The following CCDC3 variants were observed in gnomAD, a reference collection of about 807,000 sequenced individuals.
CCDC3 encodes the protein coiled-coil domain containing 3, also known as coiled-coil domain-containing protein 3.
In CCDC3, 24 loss-of-function variants were observed where a neutral mutation model predicts 21.4. The ratio of observed to expected loss-of-function variants is 1.12; its 90% CI spans 0.81 to 1.58. The LOEUF is 1.58. CCDC3 is among the 40% of genes most tolerant of loss of function. CCDC3 has a pLI of 0.00. For missense variants in CCDC3, 425 were observed against 360.9 expected (o/e 1.18, Z -1.44); for synonymous variants, 186 against 166.0 (o/e 1.12, Z -0.93).
intron 2 of CCDC3, among the ~76,000 whole-genome samples, chr10:12,949,856 AG>A (rs1324772637): frequency 9.8e-5 from 15 of 152,332 alleles, no homozygotes; most frequent in African/African-American, 3.6e-4. Context: ...TCAAGAAATT[AG>A]GTGGTGAAAT....
intron 2 of CCDC3, among the ~76,000 whole-genome samples, chr10:12,961,109 T>C (rs1024214997): frequency 6.6e-6 from 1 of 152,118 alleles, no homozygotes; most frequent in African/African-American, 2.4e-5. Context: ...TCCAGAAACA[T>C]CTCTGTGCAG....
At chr10:12,954,186 T>C (rs2131251030) in intron 2 of CCDC3, among the ~76,000 whole-genome samples, 1 of 152,260 alleles carries the variant, frequency 6.6e-6, no homozygotes, top group East Asian at 1.9e-4. Context: ...TCTGATCTAG[T>C]GAGGAGAAAT....
At chr10:12,915,211 A>T (rs1819077572) in intron 2 of CCDC3, among the ~76,000 whole-genome samples, 1 of 152,222 alleles carries the variant, frequency 6.6e-6, no homozygotes, top group Non-Finnish European at 1.5e-5. Flanking sequence ...GATTGTGGTT[A>T]AAAAAGATAC....
chr10:12,980,663 CAG>C (rs1218896260), intron 2 of CCDC3, among the ~76,000 whole-genome samples: 6 of 152,078 alleles, frequency 3.9e-5, no homozygotes, highest in Admixed American at 2.6e-4. Context: ...GCTTCCAACA[CAG>C]AGGGGAGATA....
chr10:13,014,388 T>C (rs1191617587), intron 5 of CCDC3, among the ~76,000 whole-genome samples: 1 of 146,768 alleles, frequency 6.8e-6, no homozygotes, highest in Non-Finnish European at 1.5e-5. Flanking sequence ...AGTCGGAGCT[T>C]GCAGTGAGCC....
chr10:12,980,131 C>A (rs552434750), intron 2 of CCDC3, among the ~76,000 whole-genome samples: 3 of 152,326 alleles, frequency 2.0e-5, no homozygotes, highest in Non-Finnish European at 4.4e-5. Context: ...TGTGCCCCTG[C>A]AAAGCAAACA....
intron 4 of CCDC3, among the ~76,000 whole-genome samples, chr10:13,063,439 G>C (rs1836785573): frequency 6.6e-6 from 1 of 152,118 alleles, no homozygotes; most frequent in Non-Finnish European, 1.5e-5. Flanking sequence ...CTTAACATCA[G>C]AGCTCATGAC....
chr10:13,053,369 G>C (rs908388976), intron 4 of CCDC3, among the ~76,000 whole-genome samples: 1 of 151,754 alleles, frequency 6.6e-6, no homozygotes, highest in African/African-American at 2.4e-5. Flanking sequence ...AGGAGTTCAA[G>C]ACCAGCCTGG....
intron 5 of CCDC3, among the ~76,000 whole-genome samples, chr10:13,017,483 C>T (rs1252757723): frequency 2.1e-5 from 3 of 142,814 alleles, no homozygotes; most frequent in Non-Finnish European, 3.0e-5. Flanking sequence ...CGCCACTGCA[C>T]TCATGCCTGG....
Position 12,978,545 on chromosome 10 carries a change from G to A in CCDC3, c.549+19793C>T, listed in dbSNP as rs1389273728. Among the ~76,000 whole-genome samples, 6 of 113,458 alleles carry A rather than the reference G, an allele frequency of 5.3e-5. 1 individual carries two copies. The highest frequency in any genetic ancestry group is 2.4e-4 in the African/African-American group (6 of 24,570). 74.4% of individuals were successfully genotyped at this position (113,458 alleles called of 152,430 possible). ...AAGAAATCTGCGGGTCCTGGAGAAT[G>A]GAACCAGAGAGAGAGAGAGAGAGAG... On this transcript the variant is annotated intron_variant, in intron 2 of 2. Transcript: ENST00000378825.
chr10:12,973,748 A>G (rs1323030268), intron 2 of CCDC3, among the ~76,000 whole-genome samples: 1 of 151,700 alleles, frequency 6.6e-6, no homozygotes, highest in African/African-American at 2.4e-5. Context: ...CCCAGGTTTT[A>G]TAACTCCACG....
intron 5 of CCDC3, among the ~76,000 whole-genome samples, chr10:13,025,066 T>C (rs771258075): frequency 6.6e-6 from 1 of 152,234 alleles, no homozygotes; most frequent in Non-Finnish European, 1.5e-5. Context: ...TGATGGTTTA[T>C]AATAATTTCT....
At chr10:12,956,559 T>C (rs191134315) in intron 2 of CCDC3, among the ~76,000 whole-genome samples, 10 of 152,318 alleles carry the variant, frequency 6.6e-5, no homozygotes, top group Non-Finnish European at 1.2e-4. Context: ...CTAGACTATA[T>C]GATAATTAGG....
intron 2 of CCDC3, among the ~76,000 whole-genome samples, chr10:12,930,512 G>A (rs1484376978): frequency 1.3e-5 from 2 of 152,158 alleles, no homozygotes; most frequent in Non-Finnish European, 2.9e-5. Context: ...ATGTCATTTG[G>A]AAACATGGGG....
intron 2 of CCDC3, among the ~76,000 whole-genome samples, chr10:12,956,295 C>A (rs1023426016): frequency 2.0e-5 from 3 of 152,204 alleles, no homozygotes; most frequent in East Asian, 1.9e-4. Context: ...GGGAGCTAGG[C>A]CAATTACACT....
At chr10:12,988,588 C>A (rs1207998026) in intron 2 of CCDC3, among the ~76,000 whole-genome samples, 1 of 152,154 alleles carries the variant, frequency 6.6e-6, no homozygotes, top group African/African-American at 2.4e-5. Flanking sequence ...GAGTGATCTG[C>A]CCACCTCAGC....
intron 2 of CCDC3, among the ~76,000 whole-genome samples, chr10:12,995,491 C>G (rs945813641): frequency 3.9e-5 from 6 of 152,336 alleles, no homozygotes; most frequent in Non-Finnish European, 8.8e-5. Context: ...ATCCGCCGAC[C>G]TCGGCCTCCC....
intron 2 of CCDC3, among the ~76,000 whole-genome samples, chr10:12,944,052 CAG>C (rs1427777019): frequency 6.6e-6 from 1 of 152,166 alleles, no homozygotes; most frequent in Non-Finnish European, 1.5e-5. Context: ...ACTGACAAAG[CAG>C]AGTCTTTGTA....
rs183337140 is a variant in CCDC3 at position 12,950,082 on chromosome 10, A to T, written c.549+48256T>A. On this transcript the variant is annotated intron_variant, in intron 2 of 2. Coordinates refer to ENST00000378825, the MANE Select transcript of CCDC3 (RefSeq NM_031455.4). ...TCTTCTCCATGCCTTCACTCTGGCC[A>T]TGCCCCCAGCCTCCCATTCCCTTTC... Among the ~76,000 whole-genome samples, 5 of 152,192 alleles carry T rather than the reference A, an allele frequency of 3.3e-5. No individual in the cohort carries two copies. In the East Asian group the frequency reaches 9.7e-4, roughly 29 times the overall value.
Sources: gnomAD v4.1 joint callset for allele counts (sites outside exome capture counted in the v4.1 genomes callset) on GRCh38, gnomAD v4.1.1 for gene constraint, MANE v1.5 for transcripts, NCBI Gene and HGNC (gene_info 2026-07-23, HGNC 2026-07-21) for gene names.